The following DLG2 variants were observed in gnomAD, a reference collection of about 807,000 sequenced individuals.
DLG2 encodes disks large homolog 2.
In DLG2, 45 loss-of-function variants were observed where a neutral mutation model predicts 132.5. That is an observed-to-expected ratio of 0.34 (90% CI 0.27 to 0.44). The LOEUF is 0.44. Among genes scored for constraint, DLG2 ranks in the 20% least tolerant of loss-of-function variants. The probability of loss-of-function intolerance (pLI) is 1.00; values close to 1 mark genes in which losing one functional copy is unlikely to be tolerated. For synonymous variants in DLG2, 424 were observed against 419.6 expected (o/e 1.01, Z -0.13); for missense variants, 1,045 against 1,196.9 (o/e 0.87, Z 1.87).
chr11:84,064,877 A>T (rs117323725), intron 10 of DLG2, among the ~76,000 whole-genome samples: 17 of 152,252 alleles, frequency 1.1e-4, no homozygotes, highest in Non-Finnish European at 1.8e-4. Context: ...AGACACACAG[A>T]CCACTGGAAC....
intron 4 of DLG2, among the ~76,000 whole-genome samples, chr11:85,161,944 A>G (rs527800652): frequency 7.2e-5 from 11 of 152,256 alleles, no homozygotes; most frequent in South Asian, 6.2e-4. Flanking sequence ...ACCATTCACC[A>G]TGACCCCTCG....
intron 6 of DLG2, among the ~76,000 whole-genome samples, chr11:84,908,746 C>T (rs147923211): frequency 9.2e-5 from 14 of 151,392 alleles, no homozygotes; most frequent in African/African-American, 3.4e-4. Flanking sequence ...CCATGGAGGG[C>T]TTGTAAGATG....
At chr11:85,074,193 C>T (rs2066229865) in intron 6 of DLG2, among the ~76,000 whole-genome samples, 12 of 151,872 alleles carry the variant, frequency 7.9e-5, no homozygotes, top group Admixed American at 7.9e-4. Context: ...ACCCCTGCAA[C>T]ATGCAATTTA....
intron 6 of DLG2, among the ~76,000 whole-genome samples, chr11:84,748,895 T>A (rs1451356999): frequency 6.6e-6 from 1 of 152,158 alleles, no homozygotes; most frequent in Non-Finnish European, 1.5e-5. Flanking sequence ...AGAGGCTGGG[T>A]GTTATGGCTC....
rs552376037 is a variant in DLG2 at position 84,545,230 on chromosome 11, G to C, written c.358-10499C>G. The C allele has an allele frequency of 3.0e-4, 141 of 468,396 alleles. 1 individual carries two copies. Among genetic ancestry groups the C allele is most frequent in the South Asian group, 2.3e-3 (138 of 59,976 alleles). The allele number at this position is 468,396 out of a possible 1,614,324, so 29.0% of individuals were successfully genotyped here. On this transcript the variant is annotated intron_variant, in intron 6 of 27. Coordinates refer to ENST00000376104, the MANE Select transcript of DLG2 (RefSeq NM_001142699.3). Reference sequence around the variant, plus strand: ...AAAGGATTGTCCTTCATCACCAGAGGGGCTGGAGCTTCTGCCTCCTAAGGT... The same window carrying C: ...AAAGGATTGTCCTTCATCACCAGAGCGGCTGGAGCTTCTGCCTCCTAAGGT...
intron 6 of DLG2, among the ~76,000 whole-genome samples, chr11:84,881,546 T>C (rs545755381): frequency 4.1e-4 from 63 of 152,250 alleles, no homozygotes; most frequent in African/African-American, 1.5e-3. Flanking sequence ...GCTACTGACA[T>C]TTGGGGCACA....
intron 18 of DLG2, among the ~76,000 whole-genome samples, chr11:83,651,172 C>T (rs372895866): frequency 6.6e-6 from 1 of 151,934 alleles, no homozygotes; most frequent in Non-Finnish European, 1.5e-5. Flanking sequence ...GTACCTAGTA[C>T]ATAATAGGTA....
At chr11:83,470,154 A>G (rs1489796522) in intron 24 of DLG2, among the ~76,000 whole-genome samples, 3 of 145,500 alleles carry the variant, frequency 2.1e-5, no homozygotes, top group East Asian at 2.0e-4. Context: ...AGTAATAATT[A>G]TAACACAATT....
At chr11:83,909,817 G>C (rs1437698028) in intron 15 of DLG2, among the ~76,000 whole-genome samples, 2 of 152,084 alleles carry the variant, frequency 1.3e-5, no homozygotes, top group African/African-American at 2.4e-5. Flanking sequence ...TATATCACAG[G>C]CTTATCTTCT....
chr11:83,929,899 T>C (rs1353921172), intron 15 of DLG2, among the ~76,000 whole-genome samples: 6 of 152,192 alleles, frequency 3.9e-5, no homozygotes, highest in Non-Finnish European at 8.8e-5. Context: ...AAATATTAAA[T>C]GATAATAGTG....
rs551094696 is a variant in DLG2, at chr11:85,067,647, G to T, written c.357+44014C>A. 2.0e-5 allele frequency among the ~76,000 whole-genome samples: 3 copies of T among 151,934 alleles called. No individual in the cohort carries two copies. The East Asian group carries it at 5.8e-4, about 30-fold the overall frequency. On this transcript the variant is annotated intron_variant, in intron 6 of 27. Transcript: ENST00000376104. The stretch of plus-strand genomic sequence containing the variant: ...TCTGAAATTGAGGCAATAATTAATA[G>T]CCGACCAATCAAAAAAAGTCCAGGA...
At chr11:83,649,751 A>G (rs193239780) in intron 18 of DLG2, among the ~76,000 whole-genome samples, 220 of 152,194 alleles carry the variant, frequency 1.4e-3, no homozygotes, top group African/African-American at 5.0e-3. Context: ...CACTAACAGG[A>G]GATTGGAGGG....
At chr11:83,974,894 T>C (rs2091968452) in intron 12 of DLG2, among the ~76,000 whole-genome samples, 1 of 152,052 alleles carries the variant, frequency 6.6e-6, no homozygotes, top group African/African-American at 2.4e-5. Context: ...ACTACTTCCC[T>C]TTAAGGAAAG....
At chr11:83,492,445 C>T (rs6592116) in intron 21 of DLG2, among the ~76,000 whole-genome samples, 93,294 of 151,670 alleles carry the variant, frequency 0.62, 29,297 homozygotes, top group African/African-American at 0.73. Context: ...AGCTAGGAGC[C>T]TTCCCTGTCT....
chr11:84,587,789 T>C (rs1220857428), intron 6 of DLG2, among the ~76,000 whole-genome samples: 5 of 152,196 alleles, frequency 3.3e-5, no homozygotes, highest in Non-Finnish European at 5.9e-5. Context: ...GCTCATTATA[T>C]TATGCAGTCC....
At chr11:83,575,703 G>A (rs2096863340) in intron 19 of DLG2, among the ~76,000 whole-genome samples, 1 of 152,142 alleles carries the variant, frequency 6.6e-6, no homozygotes. Flanking sequence ...TCTTGCTTCA[G>A]TAGTAAAACA....
At chr11:84,172,345 G>C (rs1220274511) in intron 8 of DLG2, among the ~76,000 whole-genome samples, 1 of 151,994 alleles carries the variant, frequency 6.6e-6, no homozygotes, top group African/African-American at 2.4e-5. Context: ...TTAAGATTCT[G>C]AGTTTGGTAA....
At chr11:84,449,072 AG>A (rs980448650) in intron 7 of DLG2, among the ~76,000 whole-genome samples, 1 of 151,926 alleles carries the variant, frequency 6.6e-6, no homozygotes. Flanking sequence ...CATTGTAACA[AG>A]TGTTCAAAGT....
At chr11:85,198,246 C>T (rs1021853473) in intron 4 of DLG2, among the ~76,000 whole-genome samples, 5 of 152,158 alleles carry the variant, frequency 3.3e-5, no homozygotes, top group African/African-American at 1.2e-4. Context: ...ACTAGTAAAA[C>T]TGAAAAATTA....
Sources: gnomAD v4.1 joint callset for allele counts (sites outside exome capture counted in the v4.1 genomes callset) on GRCh38, gnomAD v4.1.1 for gene constraint, MANE v1.5 for transcripts, NCBI Gene and HGNC (gene_info 2026-07-23, HGNC 2026-07-21) for gene names.